The following RREB1 variants were observed in gnomAD, a reference collection of about 807,000 sequenced individuals.
RREB1 encodes the protein ras-responsive element-binding protein 1.
A neutral mutation model predicts 117.8 loss-of-function variants in RREB1; 27 were observed. The observed-to-expected ratio is 0.23, with a 90% CI of 0.17 to 0.32. RREB1 has a LOEUF of 0.32. RREB1 is among the 10% of genes least tolerant of loss of function. The probability of loss-of-function intolerance (pLI) is 1.00; values close to 1 mark genes in which losing one functional copy is unlikely to be tolerated. For synonymous variants in RREB1, 1,298 were observed against 1,026.7 expected, an observed-to-expected ratio of 1.26 and a Z score of -5.05; for missense variants, 2,577 against 2,378.2, an observed-to-expected ratio of 1.08 and a Z score of -1.74.
Position 7,230,082 on chromosome 6 carries a change from C to T in RREB1, c.1983C>T (p.His661=), listed in dbSNP as rs755607248. ...CCTTCTCGGGGGTCTTGCGTGCCCA[C>T]GTGCGCTCCCACCTGGGCATCTCGC... ...VFAFSGVLRA[H]VRSHLGISPY... is the part of the protein sequence containing the mutation. Residue 661 remains histidine (H), a synonymous_variant, in exon 10 of 13, where the codon CAC becomes CAT. Transcript: ENST00000379938. 9 of 1,602,366 alleles carry T rather than the reference C, an allele frequency of 5.6e-6. No individual in the cohort carries two copies. Among genetic ancestry groups the T allele is most frequent in the African/African-American group, 5.4e-5 (4 of 74,696 alleles).
intron 1 of RREB1, among the ~76,000 whole-genome samples, chr6:7,116,643 A>G (rs747593092): frequency 7.9e-5 from 12 of 152,266 alleles, no homozygotes; most frequent in Non-Finnish European, 1.8e-4. Context: ...TACAAATTCA[A>G]TGAAGGAAAT....
rs775199747 is a variant in RREB1 at position 7,248,862 on chromosome 6, G to GC, written c.5126dup (p.Ala1710GlyfsTer24). 9.4e-6 allele frequency: 15 copies of GC among 1,600,628 alleles called. No homozygotes were observed. Among genetic ancestry groups the GC allele is most frequent in the Admixed American group, 1.7e-5 (1 of 58,124 alleles). ...GGCCAGGGTGACCTTAACCCAGAGA[G>GC]CCCGGCGGCCCTGGGGCAGGACCTG... is the stretch of plus-strand genomic sequence containing the variant. On this transcript the variant is annotated frameshift_variant, in exon 13 of 13. Transcript: ENST00000379938. LOFTEE classifies it high-confidence loss of function.
At chr6:7,171,833 G>A (rs1272526448) in intron 1 of RREB1, among the ~76,000 whole-genome samples, 1 of 152,154 alleles carries the variant, frequency 6.6e-6, no homozygotes, top group African/African-American at 2.4e-5. Flanking sequence ...TCTGGGGCAA[G>A]GAACTGAGCA....
intron 1 of RREB1, among the ~76,000 whole-genome samples, chr6:7,121,467 A>C (rs1291227569): frequency 6.6e-6 from 1 of 152,200 alleles, no homozygotes; most frequent in Non-Finnish European, 1.5e-5. Context: ...AAAGTACCTC[A>C]GTGGTCACCC....
rs59106767 is a variant in RREB1 at position 7,174,151 on chromosome 6, CT to C, written c.-284-2487del. Among the ~76,000 whole-genome samples the C allele has an allele frequency of 6.7e-3, 876 of 131,048 alleles. 6 individuals carry two copies. The highest frequency in any genetic ancestry group is 0.019 in the African/African-American group (667 of 34,252). The allele number at this position is 131,048 out of a possible 152,430, so 86.0% of individuals were successfully genotyped here. A position where few individuals can be genotyped will look rare whatever the true frequency, so the allele number is the denominator to read the frequency against. Reference sequence around the variant, plus strand: ...ATCTTTAGGGTGCTACTAGTCTTTCCTTTTTTTTTTTTTTTTTCTGAAGCAT... The same window carrying C: ...ATCTTTAGGGTGCTACTAGTCTTTCCTTTTTTTTTTTTTTTTCTGAAGCAT... On this transcript the variant is annotated intron_variant, in intron 1 of 12. Transcript: ENST00000379938.
At position 7,207,776 on chromosome 6, in the gene RREB1, A is replaced by T. The variant is rs76957657; in HGVS notation, c.426-3028A>T. Among the ~76,000 whole-genome samples the T allele has an allele frequency of 2.0e-4, 30 of 152,356 alleles. No individual in the cohort carries two copies. In the South Asian group the frequency reaches 2.9e-3, roughly 15 times the overall value. ...CTGTTCACTTTTGAAAAGAGAACGC[A>T]TTACAGAAACGCAGTAGTCCTCTTA... On this transcript the variant is annotated intron_variant, in intron 6 of 12. Transcript: ENST00000379938.
chr6:7,158,137 A>G (rs1327384734), intron 1 of RREB1, among the ~76,000 whole-genome samples: 2 of 152,112 alleles, frequency 1.3e-5, no homozygotes, highest in Non-Finnish European at 2.9e-5. Flanking sequence ...CTGCAAAAGA[A>G]TGTAGCCTAA....
Position 7,229,536 on chromosome 6 carries a change from G to A in RREB1, c.1437G>A (p.Ser479=), listed in dbSNP as rs760414247. The change falls in exon 10 of 13, where the codon TCG becomes TCA. Residue 479 remains serine, a synonymous_variant. Transcript: ENST00000379938. The surrounding 1 kb of genome is among the most constrained non-coding windows in gnomAD (Gnocchi z 4.5). ...DIQQILKMAA[S]APPQISLPPF... ...AGCAAATTCTGAAGATGGCAGCCTCGGCTCCCCCTCAGATCAGTCTTCCGC... is the reference window on the plus strand; with the variant it reads ...AGCAAATTCTGAAGATGGCAGCCTCAGCTCCCCCTCAGATCAGTCTTCCGC... 7.4e-6 allele frequency: 12 copies of A among 1,613,884 alleles called. No individual in the cohort carries two copies. In the African/African-American group the frequency reaches 8.0e-5, roughly 11 times the overall value.
intron 1 of RREB1, among the ~76,000 whole-genome samples, chr6:7,156,926 T>C (rs938991821): frequency 4.6e-5 from 7 of 152,176 alleles, no homozygotes; most frequent in Admixed American, 6.5e-5. Context: ...TCACATGGTC[T>C]TAAATGCCAA....
intron 1 of RREB1, among the ~76,000 whole-genome samples, chr6:7,132,340 C>A (rs1024181517): frequency 6.8e-6 from 1 of 147,656 alleles, no homozygotes; most frequent in African/African-American, 2.4e-5. Flanking sequence ...CAGATGTGAG[C>A]CACCGTGCCC....
At chr6:7,146,004 G>A (rs1285153289) in intron 1 of RREB1, among the ~76,000 whole-genome samples, 2 of 150,210 alleles carry the variant, frequency 1.3e-5, no homozygotes, top group African/African-American at 4.9e-5. Context: ...TACCCCCTAC[G>A]CCACCTCTCC....
At chr6:7,159,533 G>A (rs926873373) in intron 1 of RREB1, among the ~76,000 whole-genome samples, 3 of 152,216 alleles carry the variant, frequency 2.0e-5, no homozygotes, top group Admixed American at 6.5e-5. Context: ...TTTAGGAATT[G>A]ATTTAACGAA....
Position 7,229,080 on chromosome 6 carries a change from G to A in RREB1, c.981G>A (p.Met327Ile), listed in dbSNP as rs369785247. The change falls in exon 10 of 13, where the codon ATG becomes ATA. Residue 327 changes from methionine to isoleucine, a missense_variant. Coordinates refer to ENST00000379938, the MANE Select transcript of RREB1 (RefSeq NM_001003699.4). The surrounding 1 kb of genome is among the most constrained non-coding windows in gnomAD (Gnocchi z 4.5). Reference sequence around the variant, plus strand: ...ACACCTGTGACAAGGCGTTCCCCATGCTCTGCTCACTGGCTCTGCACAAGC... The same window carrying A: ...ACACCTGTGACAAGGCGTTCCCCATACTCTGCTCACTGGCTCTGCACAAGC... ...VCDTCDKAFPMLCSLALHKQT... is the reference protein window; with the variant it reads ...VCDTCDKAFPILCSLALHKQT... The A allele has an allele frequency of 2.6e-5, 41 of 1,593,214 alleles. No homozygotes were observed. The highest frequency in any genetic ancestry group is 3.4e-5 in the Non-Finnish European group (40 of 1,164,902).
At chr6:7,125,535 G>A (rs540016930) in intron 1 of RREB1, among the ~76,000 whole-genome samples, 3 of 152,178 alleles carry the variant, frequency 2.0e-5, no homozygotes, top group South Asian at 2.1e-4. Context: ...AGACTCACAG[G>A]TTGCCTACTT....
chr6:7,250,431 G>A lies in RREB1; in HGVS notation c.*1463G>A, dbSNP rs1051350546. 3 of 152,070 alleles carry A rather than the reference G, an allele frequency of 2.0e-5. No homozygotes were observed. Among genetic ancestry groups the A allele is most frequent in the Admixed American group, 6.5e-5 (1 of 15,274 alleles). 9.4% of individuals were successfully genotyped at this position (152,070 alleles called of 1,614,324 possible). A position where few individuals can be genotyped will look rare whatever the true frequency, so the allele number is the denominator to read the frequency against. ...AAAAGGCAGGGTTATTTTTACCCAT[G>A]AGCATCCTGTGCAGGCAATAGACTT... On this transcript the variant is annotated 3_prime_UTR_variant, in exon 13 of 13. Transcript: ENST00000379938.
chr6:7,207,090 A>AGGG, intron 6 of RREB1, among the ~76,000 whole-genome samples: 1 of 152,316 alleles, frequency 6.6e-6, no homozygotes, highest in Admixed American at 6.5e-5. Flanking sequence ...CAAGAGGAAG[A>AGGG]GCAGAGGGGC....
chr6:7,108,257 G>A (rs1364827448), intron 1 of RREB1, among the ~76,000 whole-genome samples, 197 bp downstream of exon 1: 1 of 152,032 alleles, frequency 6.6e-6, no homozygotes, highest in Non-Finnish European at 1.5e-5. Context: ...CGCTCGGGCC[G>A]GCGGGGCGGC....
At position 7,177,702 on chromosome 6, in the gene RREB1, T is replaced by TTTTTC. The variant is rs1038154584; in HGVS notation, c.-166+944_-166+948dup. 2.6e-5 allele frequency among the ~76,000 whole-genome samples: 4 copies of TTTTTC among 152,010 alleles called. No individual in the cohort carries two copies. The East Asian group carries it at 7.7e-4, about 29-fold the overall frequency. ...ACACATGCTACCATACCTGGCTTCT[T>TTTTTC]TTTTCTTTTCTTTTCTTTTTCTGTC... On this transcript the variant is annotated intron_variant, in intron 2 of 12. Transcript: ENST00000379938.
intron 8 of RREB1, chr6:7,213,168 A>G (rs1269506521): frequency 1.3e-5 from 2 of 152,062 alleles, no homozygotes; most frequent in African/African-American, 2.4e-5. Context: ...TTATTTATTT[A>G]TTTTTGGGTT....
Sources: gnomAD v4.1 joint callset for allele counts (sites outside exome capture counted in the v4.1 genomes callset) on GRCh38, gnomAD v4.1.1 for gene constraint, Gnocchi (gnomAD v3.1) non-coding constraint, MANE v1.5 for transcripts, NCBI Gene and HGNC (gene_info 2026-07-23, HGNC 2026-07-21) for gene names.